ELL2: variants seen among roughly 807,000 people sequenced by gnomAD.
ELL2 encodes elongation factor for RNA polymerase II 2.
In ELL2, 21 loss-of-function variants were observed where a neutral mutation model predicts 72.8. The observed-to-expected ratio is 0.29, with a 90% CI of 0.20 to 0.42. The LOEUF (loss-of-function observed/expected upper bound fraction) is 0.42. Ranked by LOEUF, ELL2 falls within the 10% of genes least tolerant of loss-of-function variation. ELL2 has a pLI of 1.00. For missense variants in ELL2, 568 were observed against 772.8 expected, an observed-to-expected ratio of 0.73 and a Z score of 3.14; for synonymous variants, 266 against 283.2, an observed-to-expected ratio of 0.94 and a Z score of 0.61.
chr5:95,951,529 C>T (rs1751402696), intron 1 of ELL2, among the ~76,000 whole-genome samples: 1 of 151,700 alleles, frequency 6.6e-6, no homozygotes, highest in Non-Finnish European at 1.5e-5. Flanking sequence ...GATTTGTTTC[C>T]TGGGATCATG....
intron 2 of ELL2, among the ~76,000 whole-genome samples, chr5:95,928,647 T>C (rs1027769275): frequency 5.3e-5 from 8 of 152,342 alleles, no homozygotes; most frequent in African/African-American, 1.9e-4. Flanking sequence ...TAAATGTATA[T>C]TCTTTCCTCT....
chr5:95,892,350 T>G (rs1008522031), intron 9 of ELL2, among the ~76,000 whole-genome samples: 1 of 152,196 alleles, frequency 6.6e-6, no homozygotes, highest in Non-Finnish European at 1.5e-5. Flanking sequence ...TTTCGTCATG[T>G]TGCCCAGTCT....
Position 95,957,772 on chromosome 5 carries a change from G to GA in ELL2, c.147+3802dup, listed in dbSNP as rs562827530. On this transcript the variant is annotated intron_variant, in intron 1 of 11. Coordinates refer to ENST00000237853, the MANE Select transcript of ELL2 (RefSeq NM_012081.6). ...TTGAAACAGTGAGGAATTGTAATTTGAAAAAAAACAAGATTTCAAAATTTT... is the reference window on the plus strand; with the variant it reads ...TTGAAACAGTGAGGAATTGTAATTTGAAAAAAAAACAAGATTTCAAAATTTT... Among the ~76,000 whole-genome samples the GA allele has an allele frequency of 9.2e-5, 14 of 151,446 alleles. No individual in the cohort carries two copies. In the South Asian group the frequency reaches 1.0e-3, roughly 11 times the overall value.
chr5:95,919,691 C>G, intron 2 of ELL2, 146 bp from the exon 3 acceptor site: 1 of 914,640 alleles, frequency 1.1e-6, no homozygotes, highest in Non-Finnish European at 1.5e-6. Context: ...TTTAAATGAC[C>G]AAACAATTCA....
In ELL2 at chr5:95,961,578, G is replaced by C. The variant is rs773069432; in HGVS notation, c.144C>G (p.His48Gln). 1 of 1,593,352 alleles carries C rather than the reference G, an allele frequency of 6.3e-7. No individual in the cohort carries two copies. The highest frequency in any genetic ancestry group is 8.5e-7 in the Non-Finnish European group (1 of 1,171,650). The change falls in exon 1 of 12, where the codon CAC becomes CAG. Residue 48 changes from histidine to glutamine, a missense_variant. By Grantham distance (24) the His-to-Gln change is conservative. Coordinates refer to ENST00000237853, the MANE Select transcript of ELL2 (RefSeq NM_012081.6). ...AIRALETYQS[H>Q]KNLIPFRPSI... is the part of the protein sequence containing the mutation. ...GCCTGCCGGCCGGCCCGCTCACCTT[G>C]TGGCTCTGGTAAGTCTCGAGCGCCC...
At chr5:95,896,850 G>T (rs1748896210) in intron 8 of ELL2, among the ~76,000 whole-genome samples, 1 of 152,176 alleles carries the variant, frequency 6.6e-6, no homozygotes, top group South Asian at 2.1e-4. Flanking sequence ...CTCTGATGTA[G>T]ATCTCAACAT....
chr5:95,937,273 C>T lies in ELL2; in HGVS notation c.195+5729G>A, dbSNP rs77488864. ...AGATAGTTTCCTCAGGCACCACAAA[C>T]ATACAATCAAAGTTATTCTCCCACA... On this transcript the variant is annotated intron_variant, in intron 2 of 11. Transcript: ENST00000237853. Among the ~76,000 whole-genome samples, 27 of 152,266 alleles carry T rather than the reference C, an allele frequency of 1.8e-4. No homozygotes were observed. In the East Asian group the frequency reaches 5.2e-3, roughly 29 times the overall value.
At chr5:95,945,040 G>A (rs1398598837) in intron 1 of ELL2, among the ~76,000 whole-genome samples, 1 of 152,112 alleles carries the variant, frequency 6.6e-6, no homozygotes, top group African/African-American at 2.4e-5. Flanking sequence ...TCATCCTGGA[G>A]GCTCACTGAA....
chr5:95,896,801 T>G (rs570405286), intron 8 of ELL2, among the ~76,000 whole-genome samples: 2 of 152,186 alleles, frequency 1.3e-5, no homozygotes, highest in Non-Finnish European at 2.9e-5. Context: ...AGAGACTAAG[T>G]CTGCTTCTCC....
rs1748476298 is a variant in ELL2, at chr5:95,886,668, A to T, written c.*2203T>A. On this transcript the variant is annotated 3_prime_UTR_variant, in exon 12 of 12. Coordinates refer to ENST00000237853, the MANE Select transcript of ELL2 (RefSeq NM_012081.6). ...CTGACATGATGGACATTAAAAAAAAAAAAAAGCCAATAGTTGACCTTCAGT... is the reference window on the plus strand; with the variant it reads ...CTGACATGATGGACATTAAAAAAAATAAAAAGCCAATAGTTGACCTTCAGT... 1 of 151,930 alleles carries T rather than the reference A, an allele frequency of 6.6e-6. No individual in the cohort carries two copies. The highest frequency in any genetic ancestry group is 2.4e-5 in the African/African-American group (1 of 41,316). The allele number at this position is 151,930 out of a possible 1,614,324, so 9.4% of individuals were successfully genotyped here.
intron 2 of ELL2, among the ~76,000 whole-genome samples, chr5:95,924,152 T>C (rs1750200078): frequency 6.6e-6 from 1 of 152,206 alleles, no homozygotes; most frequent in Non-Finnish European, 1.5e-5. Flanking sequence ...TCTAGAGCCA[T>C]TCAGGCAGAG....
intron 5 of ELL2, among the ~76,000 whole-genome samples, chr5:95,905,254 C>CGT (rs397977351): frequency 1.3e-5 from 2 of 149,540 alleles, no homozygotes; most frequent in African/African-American, 4.9e-5. Flanking sequence ...CACACACACA[C>CGT]GTATATATAT....
In ELL2 at chr5:95,935,786, C is replaced by T. The variant is rs371628654; in HGVS notation, c.195+7216G>A. Among the ~76,000 whole-genome samples the T allele has an allele frequency of 2.4e-4, 37 of 152,296 alleles. No individual in the cohort carries two copies. In the East Asian group the frequency reaches 4.6e-3, roughly 19 times the overall value. Reference sequence around the variant, plus strand: ...ATAATGGCCTCACCACCTAACCAAACGCTCAAGTAATAAATACAGAGCCAT... The same window carrying T: ...ATAATGGCCTCACCACCTAACCAAATGCTCAAGTAATAAATACAGAGCCAT... On this transcript the variant is annotated intron_variant, in intron 2 of 11. Transcript: ENST00000237853.
intron 1 of ELL2, among the ~76,000 whole-genome samples, chr5:95,953,247 T>G (rs1162565454): frequency 6.6e-6 from 1 of 152,250 alleles, no homozygotes; most frequent in Non-Finnish European, 1.5e-5. Flanking sequence ...CAATGCCTAG[T>G]TCTATCCCTG....
intron 2 of ELL2, among the ~76,000 whole-genome samples, chr5:95,922,177 C>T (rs1750113589): frequency 6.6e-6 from 1 of 152,186 alleles, no homozygotes; most frequent in South Asian, 2.1e-4. Flanking sequence ...ATTCTCCTGC[C>T]TCAGCCTCCC....
At chr5:95,934,978 A>T (rs766509357) in intron 2 of ELL2, among the ~76,000 whole-genome samples, 1 of 152,232 alleles carries the variant, frequency 6.6e-6, no homozygotes, top group Non-Finnish European at 1.5e-5. Context: ...AAATAAGTAT[A>T]GCTTGATAGT....
Position 95,904,528 on chromosome 5 carries a change from T to TA in ELL2, c.741+1994dup, listed in dbSNP as rs1345117190. On this transcript the variant is annotated intron_variant, in intron 5 of 11. Transcript: ENST00000237853. Reference sequence around the variant, plus strand: ...CAAATTTTACCGGGAGCCAACATCTTAGTTTATTTTAAAAACCTATTACTT... The same window carrying TA: ...CAAATTTTACCGGGAGCCAACATCTTAAGTTTATTTTAAAAACCTATTACTT... Among the ~76,000 whole-genome samples the TA allele has an allele frequency of 3.9e-5, 6 of 152,244 alleles. 1 individual carries two copies. In the East Asian group the frequency reaches 1.2e-3, roughly 29 times the overall value.
At chr5:95,936,199 T>C (rs1750766525) in intron 2 of ELL2, among the ~76,000 whole-genome samples, 1 of 152,246 alleles carries the variant, frequency 6.6e-6, no homozygotes, top group Non-Finnish European at 1.5e-5. Context: ...TGTGAATTAT[T>C]TGTAAATGTA....
chr5:95,934,146 C>T (rs949057663), intron 2 of ELL2, among the ~76,000 whole-genome samples: 1 of 152,132 alleles, frequency 6.6e-6, no homozygotes, highest in Non-Finnish European at 1.5e-5. Context: ...ACAAAAACTT[C>T]TAAGTATTGA....
Sources: gnomAD v4.1 joint callset for allele counts (sites outside exome capture counted in the v4.1 genomes callset) on GRCh38, gnomAD v4.1.1 for gene constraint, MANE v1.5 for transcripts, NCBI Gene and HGNC (gene_info 2026-07-23, HGNC 2026-07-21) for gene names.